Variants in FBN1 observed in about 807,000 individuals in gnomAD.
FBN1 encodes fibrillin-1.
In FBN1, 29 loss-of-function variants were observed where a neutral mutation model predicts 365.1. The ratio of observed to expected loss-of-function variants is 0.08; its 90% CI spans 0.06 to 0.11. The LOEUF is 0.11. Among genes scored for constraint, FBN1 ranks in the 10% least tolerant of loss-of-function variants. The pLI is 1.00. For synonymous variants in FBN1, 1,210 were observed against 1,270.5 expected, an observed-to-expected ratio of 0.95 and a Z score of 1.01; for missense variants, 2,476 against 3,703.2, an observed-to-expected ratio of 0.67 and a Z score of 8.60.
At chr15:48,418,773 G>T (rs373955100) in intron 63 of FBN1, among the ~76,000 whole-genome samples, 182 of 152,224 alleles carry the variant, frequency 1.2e-3, no homozygotes, top group African/African-American at 4.2e-3. Flanking sequence ...CCTTAAAAGT[G>T]GATTGAAACC....
chr15:48,464,124 T>C, intron 40 of FBN1, 103 bp from the exon 41 acceptor site: 2 of 1,095,242 alleles, frequency 1.8e-6, no homozygotes, highest in South Asian at 2.6e-5. Context: ...ATCTATAGGG[T>C]ATTTTCAAAT....
intron 55 of FBN1, 104 bp from the exon 56 acceptor site, chr15:48,430,906 C>G (rs556472148): frequency 2.8e-6 from 3 of 1,081,336 alleles, no homozygotes; most frequent in Non-Finnish European, 4.1e-6. Context: ...CAATTTTCAT[C>G]TGTTATTTCA....
intron 13 of FBN1, among the ~76,000 whole-genome samples, chr15:48,511,876 C>A (rs967582875): frequency 1.1e-4 from 17 of 152,278 alleles, no homozygotes; most frequent in African/African-American, 3.9e-4. Flanking sequence ...TCAATAACCA[C>A]CTCTCTTTGC....
At position 48,410,928 on chromosome 15, in the gene FBN1, A is replaced by G; in HGVS notation, c.*62T>C. 1.4e-5 allele frequency: 20 copies of G among 1,455,750 alleles called. No homozygotes were observed. Among genetic ancestry groups the G allele is most frequent in the Non-Finnish European group, 1.9e-5 (20 of 1,052,102 alleles). 90.2% of individuals were successfully genotyped at this position (1,455,750 alleles called of 1,614,324 possible). On this transcript the variant is annotated 3_prime_UTR_variant, in exon 66 of 66. Transcript: ENST00000316623. ...TGATATGATGATTCTGATTGGGGGA[A>G]AATATAGTTCTACCTATCTATATTT...
chr15:48,433,070 C>T, intron 54 of FBN1, 82 bp from the exon 55 acceptor site: 1 of 1,528,410 alleles, frequency 6.5e-7, no homozygotes, highest in Non-Finnish European at 9.0e-7. Context: ...AACTCTAAAA[C>T]TTTACCAAAA....
intron 13 of FBN1, among the ~76,000 whole-genome samples, chr15:48,512,172 T>C (rs1044283849): frequency 1.3e-5 from 2 of 152,174 alleles, no homozygotes; most frequent in African/African-American, 2.4e-5. Flanking sequence ...AGAACAAAAT[T>C]CATAAATTTT....
At chr15:48,431,668 T>G (rs1264152076) in intron 55 of FBN1, among the ~76,000 whole-genome samples, 1 of 152,056 alleles carries the variant, frequency 6.6e-6, no homozygotes, top group Non-Finnish European at 1.5e-5. Flanking sequence ...TATTATTATT[T>G]TTTTGAGATG....
At chr15:48,505,638 A>T (rs1289976023) in intron 15 of FBN1, among the ~76,000 whole-genome samples, 1 of 152,172 alleles carries the variant, frequency 6.6e-6, no homozygotes, top group African/African-American at 2.4e-5. Flanking sequence ...AGGATATACA[A>T]CTAAAGCCTT....
intron 6 of FBN1, among the ~76,000 whole-genome samples, chr15:48,548,881 A>T (rs1430680199): frequency 6.6e-6 from 1 of 152,208 alleles, no homozygotes; most frequent in African/African-American, 2.4e-5. Flanking sequence ...GAAGCATGTT[A>T]ACAATAATTA....
chr15:48,564,176 T>C (rs1322699267), intron 6 of FBN1, among the ~76,000 whole-genome samples: 5 of 152,158 alleles, frequency 3.3e-5, no homozygotes, highest in Non-Finnish European at 7.4e-5. Flanking sequence ...TGCCTCACCA[T>C]AGAACAATAA....
intron 4 of FBN1, among the ~76,000 whole-genome samples, chr15:48,607,182 G>A (rs2140728804): frequency 6.6e-6 from 1 of 152,086 alleles, no homozygotes; most frequent in East Asian, 1.9e-4. Context: ...TTAATTTTTA[G>A]CATTCTTAAA....
intron 13 of FBN1, among the ~76,000 whole-genome samples, chr15:48,513,300 C>T (rs1026193452): frequency 4.6e-5 from 7 of 152,124 alleles, no homozygotes; most frequent in Non-Finnish European, 8.8e-5. Flanking sequence ...ATAATAGTGA[C>T]GAGACAACAA....
chr15:48,610,450 A>G (rs1391560135), intron 4 of FBN1, among the ~76,000 whole-genome samples: 1 of 152,218 alleles, frequency 6.6e-6, no homozygotes, highest in African/African-American at 2.4e-5. Context: ...CACTGGAGAT[A>G]CAAAGATGAA....
At position 48,474,382 on chromosome 15, in the gene FBN1, TAG is replaced by T. The variant is rs1566906473; in HGVS notation, c.4088-7_4088-6del. On this transcript the variant is annotated splice_region_variant and splice_polypyrimidine_tract_variant and intron_variant, in intron 33 of 65. Coordinates refer to ENST00000316623, the MANE Select transcript of FBN1 (RefSeq NM_000138.5). ...CATTGGAACATTCGTCCAGATCTTA[TAG>T]AAAAAGGTTATATCATTATTAACAG... The T allele has an allele frequency of 5.6e-6, 9 of 1,614,084 alleles. No homozygotes were observed. Among genetic ancestry groups the T allele is most frequent in the Non-Finnish European group, 7.6e-6 (9 of 1,179,998 alleles).
intron 6 of FBN1, among the ~76,000 whole-genome samples, chr15:48,576,403 T>A (rs1487922489): frequency 6.6e-6 from 1 of 152,196 alleles, no homozygotes; most frequent in African/African-American, 2.4e-5. Context: ...TCTACTCTGA[T>A]CTCCCTTTGT....
chr15:48,635,179 C>T (rs1566943032), intron 2 of FBN1, among the ~76,000 whole-genome samples: 1 of 152,178 alleles, frequency 6.6e-6, no homozygotes, highest in African/African-American at 2.4e-5. Flanking sequence ...AGTTCTCCCA[C>T]TCTGAGCCTG....
intron 14 of FBN1, among the ~76,000 whole-genome samples, chr15:48,509,178 G>A (rs75330175): frequency 0.012 from 1,812 of 152,168 alleles, 10 homozygotes; most frequent in Admixed American, 0.02. Flanking sequence ...ATAACTTGTA[G>A]TTTGAAGCAA....
At chr15:48,481,469 A>T (rs964486205) in intron 32 of FBN1, among the ~76,000 whole-genome samples, 186 bp downstream of exon 32, 1 of 152,218 alleles carries the variant, frequency 6.6e-6, no homozygotes, top group Non-Finnish European at 1.5e-5. Flanking sequence ...AAAAACCTGC[A>T]ACTTGGATCC....
chr15:48,425,248 C>A, intron 60 of FBN1, 121 bp downstream of exon 60: 3 of 1,359,626 alleles, frequency 2.2e-6, no homozygotes, highest in Non-Finnish European at 3.2e-6. Context: ...GCATTAACCC[C>A]AGGGAAGCAC....
Sources: gnomAD v4.1 joint callset for allele counts (sites outside exome capture counted in the v4.1 genomes callset) on GRCh38, gnomAD v4.1.1 for gene constraint, MANE v1.5 for transcripts, NCBI Gene and HGNC (gene_info 2026-07-23, HGNC 2026-07-21) for gene names.